SCD5: variants seen among roughly 807,000 people sequenced by gnomAD.
The protein encoded by SCD5 is acyl-CoA-desaturase 4.
Under a neutral mutation model 30.4 loss-of-function variants are expected in SCD5, and 20 were observed. The ratio of observed to expected loss-of-function variants is 0.66; its 90% CI spans 0.46 to 0.96. The LOEUF is 0.96. Ranked by LOEUF, SCD5 falls within the 40% of genes least tolerant of loss-of-function variation. The pLI, the probability that SCD5 is intolerant of heterozygous loss-of-function variation, is 0.00. For missense variants in SCD5, 381 were observed against 443.3 expected, an observed-to-expected ratio of 0.86 and a Z score of 1.26; for synonymous variants, 173 against 176.4, an observed-to-expected ratio of 0.98 and a Z score of 0.16.
At chr4:82,786,531 G>A (rs1721991313) in intron 1 of SCD5, among the ~76,000 whole-genome samples, 1 of 152,104 alleles carries the variant, frequency 6.6e-6, no homozygotes, top group Admixed American at 6.5e-5. Flanking sequence ...CAGGCGCAGT[G>A]GCTCATGCTT....
intron 1 of SCD5, among the ~76,000 whole-genome samples, chr4:82,751,905 G>A (rs547603916): frequency 7.2e-5 from 11 of 152,306 alleles, no homozygotes; most frequent in African/African-American, 2.2e-4. Flanking sequence ...GATTACAGGC[G>A]TGAGCCACCA....
chr4:82,701,939 G>T (rs1719852487), intron 2 of SCD5, among the ~76,000 whole-genome samples: 1 of 151,868 alleles, frequency 6.6e-6, no homozygotes, highest in Non-Finnish European at 1.5e-5. Flanking sequence ...CTCTCACCTG[G>T]GTCCATCTTT....
At chr4:82,708,501 G>C (rs1319644094) in intron 1 of SCD5, among the ~76,000 whole-genome samples, 2 of 152,070 alleles carry the variant, frequency 1.3e-5, no homozygotes, top group Non-Finnish European at 2.9e-5. Flanking sequence ...CTACACCTAT[G>C]CCTGAAGCTA....
chr4:82,755,410 G>T (rs1479302430), intron 1 of SCD5, among the ~76,000 whole-genome samples: 2 of 152,154 alleles, frequency 1.3e-5, no homozygotes, highest in Non-Finnish European at 2.9e-5. Flanking sequence ...TGAGGCAGGG[G>T]AATCATTTGA....
intron 1 of SCD5, among the ~76,000 whole-genome samples, chr4:82,728,398 G>A (rs983972508): frequency 6.6e-6 from 1 of 152,142 alleles, no homozygotes; most frequent in African/African-American, 2.4e-5. Context: ...ACAAGGTTAG[G>A]ATTATGAGAG....
intron 1 of SCD5, among the ~76,000 whole-genome samples, chr4:82,739,804 C>G (rs1720835879): frequency 6.6e-6 from 1 of 152,212 alleles, no homozygotes; most frequent in Admixed American, 6.5e-5. Flanking sequence ...TTTTTTAGCA[C>G]AGCATATTCT....
chr4:82,668,962 C>A (rs954829154), intron 3 of SCD5, among the ~76,000 whole-genome samples: 1 of 152,296 alleles, frequency 6.6e-6, no homozygotes, highest in South Asian at 2.1e-4. Flanking sequence ...TGTGCTCAAC[C>A]GCACTAACAT....
At chr4:82,787,392 G>A (rs778302863) in intron 1 of SCD5, among the ~76,000 whole-genome samples, 5 of 150,726 alleles carry the variant, frequency 3.3e-5, no homozygotes, top group South Asian at 2.1e-4. Context: ...GTAACCTACC[G>A]CTCTACTGGG....
At chr4:82,734,898 G>C (rs1195928038) in intron 1 of SCD5, among the ~76,000 whole-genome samples, 1 of 152,038 alleles carries the variant, frequency 6.6e-6, no homozygotes, top group Non-Finnish European at 1.5e-5. Context: ...CCAGAGTGCT[G>C]GGATTACAGG....
chr4:82,684,265 T>G (rs1272850696), intron 2 of SCD5, among the ~76,000 whole-genome samples: 1 of 152,186 alleles, frequency 6.6e-6, no homozygotes, highest in Non-Finnish European at 1.5e-5. Context: ...AAAAATACTT[T>G]AAGATGTATT....
chr4:82,724,753 T>C (rs1275625829), intron 1 of SCD5, among the ~76,000 whole-genome samples: 2 of 152,184 alleles, frequency 1.3e-5, no homozygotes, highest in South Asian at 2.1e-4. Context: ...GCTTGGTAAG[T>C]GGTAGACAGG....
At chr4:82,693,752 TC>T (rs1719617776) in intron 2 of SCD5, among the ~76,000 whole-genome samples, 1 of 151,862 alleles carries the variant, frequency 6.6e-6, no homozygotes, top group Non-Finnish European at 1.5e-5. Context: ...AGTGCTGGGG[TC>T]CCCCAGACGG....
At chr4:82,718,039 C>G (rs548858485) in intron 1 of SCD5, among the ~76,000 whole-genome samples, 1 of 147,604 alleles carries the variant, frequency 6.8e-6, no homozygotes, top group South Asian at 2.1e-4. Context: ...CTGCTGTCAT[C>G]ATCTGAACTG....
At chr4:82,738,447 A>C (rs1156955652) in intron 1 of SCD5, among the ~76,000 whole-genome samples, 3 of 152,234 alleles carry the variant, frequency 2.0e-5, no homozygotes, top group Non-Finnish European at 2.9e-5. Context: ...TGTCTGTTTC[A>C]TGGCTTTTGA....
chr4:82,781,346 G>A (rs1330338889), intron 1 of SCD5, among the ~76,000 whole-genome samples: 1 of 151,874 alleles, frequency 6.6e-6, no homozygotes, highest in East Asian at 1.9e-4. Flanking sequence ...AACCCGGGAG[G>A]CAGAGGTTGC....
At chr4:82,757,486 T>G (rs1330331263) in intron 1 of SCD5, among the ~76,000 whole-genome samples, 1 of 152,210 alleles carries the variant, frequency 6.6e-6, no homozygotes, top group Non-Finnish European at 1.5e-5. Flanking sequence ...GGGAGGTCTT[T>G]CTATTCGCAT....
intron 3 of SCD5, among the ~76,000 whole-genome samples, chr4:82,672,878 G>A (rs1355811461): frequency 6.6e-6 from 1 of 152,042 alleles, no homozygotes; most frequent in African/African-American, 2.4e-5. Flanking sequence ...AGGTATGCAA[G>A]GCTGGTTCAA....
chr4:82,645,471 CTT>C (rs1727619233), intron 3 of SCD5, among the ~76,000 whole-genome samples: 1 of 152,186 alleles, frequency 6.6e-6, no homozygotes, highest in African/African-American at 2.4e-5. Context: ...GTCAAACTCA[CTT>C]TACAGGTTAT....
intron 1 of SCD5, among the ~76,000 whole-genome samples, chr4:82,746,161 C>T (rs1352440154): frequency 6.6e-6 from 1 of 152,206 alleles, no homozygotes; most frequent in Non-Finnish European, 1.5e-5. Context: ...TGGAGTCACA[C>T]ATGCTGAGCA....
Sources: gnomAD v4.1 joint callset for allele counts (sites outside exome capture counted in the v4.1 genomes callset) on GRCh38, gnomAD v4.1.1 for gene constraint, MANE v1.5 for transcripts, NCBI Gene and HGNC (gene_info 2026-07-23, HGNC 2026-07-21) for gene names.